SEMA4F: variants seen among roughly 807,000 people sequenced by gnomAD.
SEMA4F encodes semaphorin-4F.
A neutral mutation model predicts 78.4 loss-of-function variants in SEMA4F; 51 were observed. The ratio of observed to expected loss-of-function variants is 0.65; its 90% confidence interval spans 0.52 to 0.82. The LOEUF (loss-of-function observed/expected upper bound fraction) is 0.82. Ranked by LOEUF, SEMA4F falls within the 40% of genes least tolerant of loss-of-function variation. The probability of loss-of-function intolerance (pLI) is 0.00; values close to 1 mark genes in which losing one functional copy is unlikely to be tolerated. For missense variants in SEMA4F, 938 were observed against 1,014.4 expected, an observed-to-expected ratio of 0.92 and a Z score of 1.02; for synonymous variants, 418 against 408.7, an observed-to-expected ratio of 1.02 and a Z score of -0.27.
the SEMA4F span, among the ~76,000 whole-genome samples, chr2:74,691,738 C>T: frequency 6.6e-6 from 1 of 152,130 alleles, no homozygotes; most frequent in South Asian, 2.1e-4. Context: ...TATTTGAAGG[C>T]ATTTGTATTG....
intron 5 of SEMA4F, among the ~76,000 whole-genome samples, chr2:74,664,444 A>G (rs1684583924): frequency 6.6e-6 from 1 of 152,222 alleles, no homozygotes; most frequent in African/African-American, 2.4e-5. Flanking sequence ...ATCTTTGTGC[A>G]TAAATTTTTG....
chr2:74,697,485 A>G, the SEMA4F span, among the ~76,000 whole-genome samples: 1 of 152,206 alleles, frequency 6.6e-6, no homozygotes, highest in African/African-American at 2.4e-5. Flanking sequence ...CGCTTGACAG[A>G]TGAAGAAGCT....
chr2:74,681,290 T>G lies in SEMA4F; in HGVS notation c.*1081T>G, dbSNP rs376659291. 3 of 152,580 alleles carry G rather than the reference T, an allele frequency of 2.0e-5. No individual in the cohort carries two copies. In the South Asian group the frequency reaches 6.2e-4, roughly 32 times the overall value. 9.5% of individuals were successfully genotyped at this position (152,580 alleles called of 1,614,324 possible). ...CTGGGGTCCATGGACTCCCTGAAATTGTATGCAAAATGTTGTTTGTACATG... is the reference window on the plus strand; with the variant it reads ...CTGGGGTCCATGGACTCCCTGAAATGGTATGCAAAATGTTGTTTGTACATG... On this transcript the variant is annotated 3_prime_UTR_variant, in exon 14 of 14. Transcript: ENST00000357877.
chr2:74,697,750 A>G, the SEMA4F span, among the ~76,000 whole-genome samples: 2 of 152,136 alleles, frequency 1.3e-5, no homozygotes, highest in Non-Finnish European at 2.9e-5. Context: ...TCCCTAGTTT[A>G]CTTGTGTTCT....
intron 5 of SEMA4F, 111 bp from the exon 6 acceptor site, chr2:74,673,346 T>C (rs1405598516): frequency 3.1e-6 from 4 of 1,282,466 alleles, no homozygotes; most frequent in Non-Finnish European, 4.4e-6. Context: ...CACTCATGGG[T>C]GTTTAGTCCC....
chr2:74,687,731 T>C (rs1411388926), downstream of SEMA4F, among the ~76,000 whole-genome samples: 2 of 152,176 alleles, frequency 1.3e-5, no homozygotes, highest in Admixed American at 1.3e-4. Flanking sequence ...GCTCATAGAC[T>C]CATGGTTTTC....
chr2:74,696,071 T>C, the SEMA4F span, among the ~76,000 whole-genome samples: 1 of 152,248 alleles, frequency 6.6e-6, no homozygotes, highest in East Asian at 1.9e-4. Context: ...TTAGAAGGCA[T>C]TCTGAAGTGA....
At chr2:74,666,334 A>G (rs915433303) in intron 5 of SEMA4F, among the ~76,000 whole-genome samples, 2 of 152,252 alleles carry the variant, frequency 1.3e-5, no homozygotes, top group African/African-American at 4.8e-5. Flanking sequence ...GTGCTGCTGA[A>G]GCGAGCACAA....
Position 74,679,915 on chromosome 2 carries a change from ATCCC to A in SEMA4F, c.2021_2024del (p.Ser674Ter), listed in dbSNP as rs1337129670. On this transcript the variant is annotated frameshift_variant, in exon 14 of 14. Coordinates refer to ENST00000357877, the MANE Select transcript of SEMA4F (RefSeq NM_004263.5). LOFTEE classifies it high-confidence loss of function. ...GCTTCTTCTTGGGGATTCTCGCAGC[ATCCC>A]TGACTCTCATTCTGATTGGTCGGCG... is the stretch of plus-strand genomic sequence containing the variant. The A allele has an allele frequency of 2.5e-6, 4 of 1,614,192 alleles. No individual in the cohort carries two copies. In the Admixed American group the frequency reaches 6.7e-5, roughly 27 times the overall value.
chr2:74,667,968 A>T (rs992287356), intron 5 of SEMA4F, among the ~76,000 whole-genome samples: 1 of 152,134 alleles, frequency 6.6e-6, no homozygotes, highest in Non-Finnish European at 1.5e-5. Flanking sequence ...CTTCAGTTGG[A>T]TGTCCCACAG....
the SEMA4F span, among the ~76,000 whole-genome samples, chr2:74,704,778 T>A: frequency 1.3e-5 from 2 of 152,192 alleles, no homozygotes; most frequent in Admixed American, 1.3e-4. Flanking sequence ...GGTCACTGGA[T>A]TTGTCCCTTC....
intron 5 of SEMA4F, 130 bp from the exon 6 acceptor site, chr2:74,673,327 A>G: frequency 9.1e-7 from 1 of 1,094,368 alleles, no homozygotes; most frequent in Non-Finnish European, 1.3e-6. Flanking sequence ...TGTGCTCAGC[A>G]GAGTCTGGCA....
chr2:74,656,176 T>C (rs987009294), intron 1 of SEMA4F, among the ~76,000 whole-genome samples: 9 of 151,854 alleles, frequency 5.9e-5, no homozygotes, highest in Non-Finnish European at 1.2e-4. Context: ...GCCTGGCTAA[T>C]TTTTTGTATT....
the SEMA4F span, among the ~76,000 whole-genome samples, chr2:74,689,848 C>G: frequency 6.6e-6 from 1 of 152,162 alleles, no homozygotes; most frequent in Non-Finnish European, 1.5e-5. Flanking sequence ...AATGAGATCA[C>G]TCTATAATCA....
the SEMA4F span, among the ~76,000 whole-genome samples, chr2:74,697,753 T>A: frequency 6.6e-6 from 1 of 152,176 alleles, no homozygotes; most frequent in Non-Finnish European, 1.5e-5. Context: ...CTAGTTTACT[T>A]GTGTTCTTGA....
In SEMA4F at chr2:74,658,065, G is replaced by C; in HGVS notation, c.456+114G>C. ...TGTGAGCGACCATGATGGGGGCATG[G>C]TCAAGGCAACCATTGTGCATGATAA... On this transcript the variant is annotated intron_variant, in intron 4 of 13. Transcript: ENST00000357877. The surrounding 1 kb of genome is among the most constrained non-coding windows in gnomAD (Gnocchi z 4.3). 1.1e-6 allele frequency: 1 copy of C among 904,442 alleles called. No individual in the cohort carries two copies. Among genetic ancestry groups the C allele is most frequent in the Non-Finnish European group, 1.8e-6 (1 of 555,418 alleles). 56.0% of individuals were successfully genotyped at this position (904,442 alleles called of 1,614,324 possible). A position where few individuals can be genotyped will look rare whatever the true frequency, so the allele number is the denominator to read the frequency against.
chr2:74,673,455 A>G lies in SEMA4F; in HGVS notation c.551-2A>G. On this transcript the variant is annotated splice_acceptor_variant, in intron 5 of 13. Coordinates refer to ENST00000357877, the MANE Select transcript of SEMA4F (RefSeq NM_004263.5). LOFTEE classifies it high-confidence loss of function. ...GCCCATCTCCTCCCTGTCGCCCTGC[A>G]GGGGGGGTCCTCTATGCTGCCACTG... is the stretch of plus-strand genomic sequence containing the variant. 1.9e-6 allele frequency: 3 copies of G among 1,613,774 alleles called. No individual in the cohort carries two copies. The highest frequency in any genetic ancestry group is 1.7e-6 in the Non-Finnish European group (2 of 1,179,916).
intron 4 of SEMA4F, among the ~76,000 whole-genome samples, chr2:74,660,761 G>C (rs1407539532): frequency 6.6e-6 from 1 of 152,198 alleles, no homozygotes; most frequent in Admixed American, 6.5e-5. Context: ...ATGCTGCTGG[G>C]GAAAACTGAA....
chr2:74,665,295 T>C (rs989512861), intron 5 of SEMA4F, among the ~76,000 whole-genome samples: 1 of 148,176 alleles, frequency 6.7e-6, no homozygotes, highest in Admixed American at 6.9e-5. Context: ...AGTGGCGCAA[T>C]CTCCACTCAC....
Sources: gnomAD v4.1 joint callset for allele counts (sites outside exome capture counted in the v4.1 genomes callset) on GRCh38, gnomAD v4.1.1 for gene constraint, Gnocchi (gnomAD v3.1) non-coding constraint, MANE v1.5 for transcripts, NCBI Gene and HGNC (gene_info 2026-07-23, HGNC 2026-07-21) for gene names.